KIF13A: variants seen among roughly 807,000 people sequenced by gnomAD.
KIF13A encodes the protein kinesin-like protein KIF13A.
In KIF13A, 79 loss-of-function variants were observed where a neutral mutation model predicts 212.2. The observed-to-expected ratio is 0.37, with a 90% confidence interval of 0.31 to 0.45. The LOEUF is 0.45. Among genes scored for constraint, KIF13A ranks in the 20% least tolerant of loss-of-function variants. The probability of loss-of-function intolerance (pLI) is 1.00; values close to 1 mark genes in which losing one functional copy is unlikely to be tolerated. For missense variants in KIF13A, 1,901 were observed against 2,209.0 expected, an observed-to-expected ratio of 0.86 and a Z score of 2.79; for synonymous variants, 789 against 808.6, an observed-to-expected ratio of 0.98 and a Z score of 0.41.
At chr6:17,945,058 A>T (rs1246629683) in intron 2 of KIF13A, among the ~76,000 whole-genome samples, 1 of 152,200 alleles carries the variant, frequency 6.6e-6, no homozygotes, top group Non-Finnish European at 1.5e-5. Context: ...GGATCATCTG[A>T]GCTCAGCAGT....
At chr6:17,805,151 G>A (rs1762832108) in intron 19 of KIF13A, among the ~76,000 whole-genome samples, 1 of 152,156 alleles carries the variant, frequency 6.6e-6, no homozygotes, top group Non-Finnish European at 1.5e-5. Flanking sequence ...ATTTTTCACA[G>A]CACCGATAAA....
intron 20 of KIF13A, 100 bp downstream of exon 20, chr6:17,804,261 G>T (rs1256043592): frequency 4.6e-6 from 5 of 1,094,250 alleles, no homozygotes; most frequent in Non-Finnish European, 6.2e-6. Flanking sequence ...TTAGTTTCTT[G>T]ATCCACCTCA....
intron 2 of KIF13A, among the ~76,000 whole-genome samples, chr6:17,959,946 C>T (rs1481336156): frequency 1.3e-5 from 2 of 150,884 alleles, no homozygotes; most frequent in Non-Finnish European, 2.9e-5. Context: ...CGCTTGAACC[C>T]GGGAGGCGGA....
Position 17,828,573 on chromosome 6 carries a change from CA to C in KIF13A, c.1402-204del, listed in dbSNP as rs577191735. 6.6e-6 allele frequency among the ~76,000 whole-genome samples: 1 copy of C among 151,774 alleles called. No homozygotes were observed. Among genetic ancestry groups the C allele is most frequent in the East Asian group, 1.9e-4 (1 of 5,164 alleles). ...TTAAAAAAAAATGTTTAAACACTAC[CA>C]AAAAAAATCCCCAATCAACAATGAT... On this transcript the variant is annotated intron_variant, in intron 13 of 38. Coordinates refer to ENST00000259711, the MANE Select transcript of KIF13A (RefSeq NM_022113.6). The surrounding 1 kb of genome is among the most constrained non-coding windows in gnomAD (Gnocchi z 4.3).
intron 16 of KIF13A, among the ~76,000 whole-genome samples, chr6:17,820,840 C>A (rs997034571): frequency 6.6e-6 from 1 of 151,914 alleles, no homozygotes; most frequent in East Asian, 1.9e-4. Flanking sequence ...GAAAAAATGG[C>A]GGTGGTAGTG....
chr6:17,889,933 T>C (rs1771891772), intron 3 of KIF13A, among the ~76,000 whole-genome samples: 1 of 152,038 alleles, frequency 6.6e-6, no homozygotes, highest in Non-Finnish European at 1.5e-5. Context: ...TCACCCGAGG[T>C]CGAGAGTTTG....
chr6:17,873,882 G>A (rs986773360), intron 3 of KIF13A, among the ~76,000 whole-genome samples: 3 of 152,138 alleles, frequency 2.0e-5, no homozygotes, highest in South Asian at 2.1e-4. Context: ...GTGAGCCATC[G>A]CGCCTGGCCC....
intron 3 of KIF13A, among the ~76,000 whole-genome samples, chr6:17,889,649 A>G (rs2150466957): frequency 6.6e-6 from 1 of 152,296 alleles, no homozygotes; most frequent in African/African-American, 2.4e-5. Context: ...ATGTCAAAGA[A>G]AATACACTTG....
In KIF13A at chr6:17,872,769, G is replaced by A. The variant is rs1770139009; in HGVS notation, c.220+608C>T. On this transcript the variant is annotated intron_variant, in intron 4 of 38. Coordinates refer to ENST00000259711, the MANE Select transcript of KIF13A (RefSeq NM_022113.6). This position sits in a 1 kb window ranked among gnomAD's most constrained non-coding sequence, Gnocchi z 4.7. ...TCCCGCCTCAGCCTCCCAAGTAGCT[G>A]GGATTACAGGCGCCCACCACCACAC... is the stretch of plus-strand genomic sequence containing the variant. Among the ~76,000 whole-genome samples the A allele has an allele frequency of 6.6e-6, 1 of 151,858 alleles. No homozygotes were observed. The highest frequency in any genetic ancestry group is 6.6e-5 in the Admixed American group (1 of 15,244).
At chr6:17,933,010 A>C (rs888529580) in intron 2 of KIF13A, among the ~76,000 whole-genome samples, 4 of 152,286 alleles carry the variant, frequency 2.6e-5, no homozygotes, top group African/African-American at 7.2e-5. Context: ...AAAAAAAATT[A>C]ATTCACAGTA....
rs1770111395 is a variant in KIF13A at position 17,872,518 on chromosome 6, T to C, written c.220+859A>G. Among the ~76,000 whole-genome samples, 1 of 152,234 alleles carries C rather than the reference T, an allele frequency of 6.6e-6. No individual in the cohort carries two copies. Among genetic ancestry groups the C allele is most frequent in the African/African-American group, 2.4e-5 (1 of 41,460 alleles). On this transcript the variant is annotated intron_variant, in intron 4 of 38. Transcript: ENST00000259711. The surrounding 1 kb of genome is among the most constrained non-coding windows in gnomAD (Gnocchi z 4.7). Reference sequence around the variant, plus strand: ...TAAGTGTTCTTACCACAAAAAAGGATAAGTTCATGAGGTAAAGCATGTGTT... The same window carrying C: ...TAAGTGTTCTTACCACAAAAAAGGACAAGTTCATGAGGTAAAGCATGTGTT...
intron 2 of KIF13A, among the ~76,000 whole-genome samples, chr6:17,903,192 C>G (rs1773196698): frequency 6.6e-6 from 1 of 152,154 alleles, no homozygotes; most frequent in Admixed American, 6.5e-5. Flanking sequence ...CTGCTGAACA[C>G]AGTTAAATAT....
chr6:17,890,300 T>C (rs1264708322), intron 3 of KIF13A, among the ~76,000 whole-genome samples: 1 of 151,928 alleles, frequency 6.6e-6, no homozygotes, highest in East Asian at 1.9e-4. Flanking sequence ...GGAGGAAGAA[T>C]TCTTTTTTTA....
At chr6:17,957,218 T>C (rs565914890) in intron 2 of KIF13A, among the ~76,000 whole-genome samples, 12 of 152,092 alleles carry the variant, frequency 7.9e-5, no homozygotes, top group Admixed American at 2.0e-4. Context: ...ATCATGTCTA[T>C]ATAACAAGAC....
At position 17,850,400 on chromosome 6, in the gene KIF13A, T is replaced by C. The variant is rs768904476; in HGVS notation, c.640A>G (p.Met214Val). Residue 214 changes from methionine (M) to valine (V), a missense_variant, in exon 8 of 39, where the codon ATG (methionine) becomes GTG (valine). Physicochemically the swap from Met to Val is conservative, Grantham distance 21. This residue lies in a region of KIF13A where 506 missense variants were observed against 637.4 expected (regional missense o/e 0.79). Transcript: ENST00000259711. This position sits in a 1 kb window ranked among gnomAD's most constrained non-coding sequence, Gnocchi z 6.2. ...TGGGAGCGGCTGCTTTCTTCGTTCA[T>C]GTTGGTAGCAGCTACCGTTCGAGAC... ...NKSRTVAATN[M>V]NEESSRSHAV... 15 of 1,613,940 alleles carry C rather than the reference T, an allele frequency of 9.3e-6. No individual in the cohort carries two copies. Among genetic ancestry groups the C allele is most frequent in the Non-Finnish European group, 1.3e-5 (15 of 1,179,842 alleles).
At position 17,794,600 on chromosome 6, in the gene KIF13A, T is replaced by C. The variant is rs1581946204; in HGVS notation, c.3047A>G (p.Asn1016Ser). ...TCTAAGTTGAAAGATGCCTCCTGTG[T>C]TGACATCTTTTGCCTGATGAAGTTC... Reference protein sequence around the residue: ...AVELHQAKDVNTGGIFQLRQG... With the variant: ...AVELHQAKDVSTGGIFQLRQG... The change falls in exon 24 of 39, where the codon AAC becomes AGC. Residue 1016 changes from asparagine (N) to serine (S), a missense_variant. Transcript: ENST00000259711. The surrounding 1 kb of genome is among the most constrained non-coding windows in gnomAD (Gnocchi z 4.1). 6.2e-7 allele frequency: 1 copy of C among 1,612,528 alleles called. No homozygotes were observed. Among genetic ancestry groups the C allele is most frequent in the South Asian group, 1.1e-5 (1 of 90,686 alleles).
chr6:17,857,480 C>T (rs1015487473), intron 4 of KIF13A, among the ~76,000 whole-genome samples: 1 of 152,182 alleles, frequency 6.6e-6, no homozygotes, highest in African/African-American at 2.4e-5. Context: ...TCCCCTTCAC[C>T]TTCCACCATG....
chr6:17,906,506 T>C (rs1280468186), intron 2 of KIF13A, among the ~76,000 whole-genome samples: 2 of 145,836 alleles, frequency 1.4e-5, no homozygotes, highest in Non-Finnish European at 3.0e-5. Context: ...TGGAGTGCAA[T>C]GATGTGATGA....
intron 2 of KIF13A, among the ~76,000 whole-genome samples, chr6:17,948,310 C>T (rs1398845218): frequency 6.6e-6 from 1 of 152,080 alleles, no homozygotes; most frequent in African/African-American, 2.4e-5. Flanking sequence ...TTACATGGCA[C>T]CAAAAGTGGT....
Sources: gnomAD v4.1 joint callset for allele counts (sites outside exome capture counted in the v4.1 genomes callset) on GRCh38, gnomAD v4.1.1 for gene constraint, gnomAD v4.1.1 regional missense constraint, Gnocchi (gnomAD v3.1) non-coding constraint, MANE v1.5 for transcripts, NCBI Gene and HGNC (gene_info 2026-07-23, HGNC 2026-07-21) for gene names.